The following GCNT2 variants were observed in gnomAD, a reference collection of about 807,000 sequenced individuals.
The protein encoded by GCNT2 is N-acetyllactosaminide beta-1,6-N-acetylglucosaminyl-transferase.
A neutral mutation model predicts 34.2 loss-of-function variants in GCNT2; 34 were observed. The observed-to-expected ratio is 1.00, with a 90% CI of 0.76 to 1.32. The LOEUF is 1.32. Among genes scored for constraint, GCNT2 ranks in the 40% most tolerant of loss-of-function variants. The pLI is 0.00. For missense variants in GCNT2, 584 were observed against 489.4 expected, an observed-to-expected ratio of 1.19 and a Z score of -1.82; for synonymous variants, 212 against 188.0, an observed-to-expected ratio of 1.13 and a Z score of -1.04.
At chr6:10,592,098 C>T (rs946142007) in intron 3 of GCNT2, among the ~76,000 whole-genome samples, 13 of 152,174 alleles carry the variant, frequency 8.5e-5, no homozygotes, top group African/African-American at 2.7e-4. Context: ...TCTTAACAAA[C>T]GTCACCAGGA....
intron 3 of GCNT2, among the ~76,000 whole-genome samples, chr6:10,542,861 C>G (rs893475252): frequency 6.8e-6 from 1 of 148,080 alleles, no homozygotes; most frequent in African/African-American, 2.5e-5. Context: ...GGGTAGATAC[C>G]AAGAGTGAAA....
At chr6:10,556,112 G>A (rs1392589833) in intron 3 of GCNT2, 2 of 1,255,544 alleles carry the variant, frequency 1.6e-6, no homozygotes, top group Non-Finnish European at 2.0e-6. Context: ...GAGAGTTACC[G>A]GAGTTTTAGC....
chr6:10,556,949 TC>T, intron 3 of GCNT2: 1 of 1,614,158 alleles, frequency 6.2e-7, no homozygotes, highest in African/African-American at 1.3e-5. Flanking sequence ...CAGAGATCTT[TC>T]TGCCTTCGAG....
At chr6:10,611,189 C>G (rs1254032649) in intron 3 of GCNT2, among the ~76,000 whole-genome samples, 1 of 150,274 alleles carries the variant, frequency 6.7e-6, no homozygotes, top group Non-Finnish European at 1.5e-5. Context: ...GTTTGACAGC[C>G]TGGGCAACAT....
intron 3 of GCNT2, chr6:10,556,457 T>G (rs759378440): frequency 1.2e-6 from 2 of 1,614,004 alleles, no homozygotes; most frequent in Non-Finnish European, 1.7e-6. Context: ...CTTCATAATT[T>G]CTGTCTCTAG....
intron 3 of GCNT2, chr6:10,586,243 C>T: frequency 6.2e-7 from 1 of 1,614,186 alleles, no homozygotes; most frequent in South Asian, 1.1e-5. Flanking sequence ...CACTACATCA[C>T]AAGTCCCCTG....
At chr6:10,555,557 C>T (rs956291918) in intron 3 of GCNT2, among the ~76,000 whole-genome samples, 2 of 152,148 alleles carry the variant, frequency 1.3e-5, no homozygotes, top group African/African-American at 4.8e-5. Context: ...TCTCATATAA[C>T]TCAGTGGATG....
chr6:10,567,491 C>T (rs1763337249), intron 3 of GCNT2, among the ~76,000 whole-genome samples: 1 of 152,120 alleles, frequency 6.6e-6, no homozygotes. Context: ...GGAAGACTGA[C>T]CATGTTGGAA....
intron 3 of GCNT2, among the ~76,000 whole-genome samples, chr6:10,581,231 T>C (rs1310415857): frequency 1.3e-5 from 2 of 152,152 alleles, no homozygotes; most frequent in Admixed American, 1.3e-4. Flanking sequence ...ATGATGTACA[T>C]GGTTTTGGGG....
At chr6:10,539,736 A>G (rs1203299752) in intron 3 of GCNT2, among the ~76,000 whole-genome samples, 4 of 152,180 alleles carry the variant, frequency 2.6e-5, no homozygotes, top group African/African-American at 9.7e-5. Flanking sequence ...AAAACAAAAA[A>G]CAAAACCTTC....
intron 3 of GCNT2, among the ~76,000 whole-genome samples, chr6:10,531,959 CTT>C (rs1274694493): frequency 6.8e-6 from 1 of 147,972 alleles, no homozygotes; most frequent in Admixed American, 6.9e-5. Flanking sequence ...GGATCGGTGT[CTT>C]TACCTAATTA....
intron 3 of GCNT2, among the ~76,000 whole-genome samples, chr6:10,563,950 A>G (rs1763165278): frequency 6.6e-6 from 1 of 151,946 alleles, no homozygotes; most frequent in African/African-American, 2.4e-5. Flanking sequence ...AATGATTGCA[A>G]TTACTGCGAA....
At chr6:10,556,134 C>A in intron 3 of GCNT2, 2 of 1,305,728 alleles carry the variant, frequency 1.5e-6, no homozygotes, top group Non-Finnish European at 2.0e-6. Context: ...AAACAGCTAG[C>A]AGATGCAAAC....
intron 4 of GCNT2, among the ~76,000 whole-genome samples, chr6:10,624,927 G>C (rs992201468): frequency 1.3e-5 from 2 of 152,056 alleles, no homozygotes; most frequent in South Asian, 2.1e-4. Context: ...TGAAGACATC[G>C]AGTTGTCTAT....
At chr6:10,617,845 C>T (rs192865067) in intron 3 of GCNT2, among the ~76,000 whole-genome samples, 2 of 150,374 alleles carry the variant, frequency 1.3e-5, no homozygotes, top group African/African-American at 4.9e-5. Flanking sequence ...ACCTCCACCT[C>T]CCAGGTTCAA....
At chr6:10,602,179 C>T (rs546049886) in intron 3 of GCNT2, among the ~76,000 whole-genome samples, 19 of 152,114 alleles carry the variant, frequency 1.2e-4, no homozygotes, top group Non-Finnish European at 2.5e-4. Flanking sequence ...GCAATATAAT[C>T]CTATATACAG....
chr6:10,590,919 A>T (rs1471703929), intron 3 of GCNT2, among the ~76,000 whole-genome samples: 2 of 152,110 alleles, frequency 1.3e-5, no homozygotes, highest in South Asian at 2.1e-4. Flanking sequence ...TTCGTGTTTG[A>T]TGCCCTTCCT....
intron 3 of GCNT2, among the ~76,000 whole-genome samples, chr6:10,608,495 A>G (rs1405681512): frequency 6.6e-6 from 1 of 152,228 alleles, no homozygotes; most frequent in East Asian, 1.9e-4. Context: ...CTTTTCCACT[A>G]TGGGGCATTA....
chr6:10,585,767 A>G, intron 3 of GCNT2: 1 of 1,419,602 alleles, frequency 7.0e-7, no homozygotes, highest in Non-Finnish European at 9.2e-7. Flanking sequence ...ACTGCAGACC[A>G]AAGTGAGAGA....
Sources: allele counts gnomAD v4.1 joint callset (sites outside exome capture counted in the v4.1 genomes callset), GRCh38; gene constraint gnomAD v4.1.1; transcripts MANE v1.5; gene names NCBI Gene and HGNC (gene_info 2026-07-23, HGNC 2026-07-21).